The following EFNA2 variants were observed in gnomAD, a reference collection of about 807,000 sequenced individuals.
The protein encoded by EFNA2 is ephrin A2.
A neutral mutation model predicts 19.7 loss-of-function variants in EFNA2; 18 were observed. The ratio of observed to expected loss-of-function variants is 0.91; its 90% CI spans 0.63 to 1.35. The LOEUF is 1.35. Among genes scored for constraint, EFNA2 ranks in the 40% most tolerant of loss-of-function variants. EFNA2 has a pLI of 0.00. For synonymous variants in EFNA2, 187 were observed against 137.8 expected (o/e 1.36, Z -2.50); for missense variants, 303 against 296.0 (o/e 1.02, Z -0.17).
At chr19:1,292,648 A>C (rs1245727215) in intron 1 of EFNA2, among the ~76,000 whole-genome samples, 1 of 152,010 alleles carries the variant, frequency 6.6e-6, no homozygotes, top group Non-Finnish European at 1.5e-5. Context: ...AGTCTTGGAG[A>C]GAGGAGGATG....
At position 1,294,931 on chromosome 19, in the gene EFNA2, G is replaced by A. The variant is rs1600059106; in HGVS notation, c.141-614G>A. The stretch of plus-strand genomic sequence containing the variant: ...ATGTTAGGTAGATGCGAAGTTTCTG[G>A]AGAGGGAATTCTTGTGGAGGGACAG... On this transcript the variant is annotated intron_variant, in intron 1 of 3. Transcript: ENST00000215368. This position sits in a 1 kb window ranked among gnomAD's most constrained non-coding sequence, Gnocchi z 5.8. 6.6e-6 allele frequency among the ~76,000 whole-genome samples: 1 copy of A among 152,244 alleles called. No homozygotes were observed. Among genetic ancestry groups the A allele is most frequent in the East Asian group, 1.9e-4 (1 of 5,176 alleles).
Position 1,295,466 on chromosome 19 carries a change from C to A in EFNA2, c.141-79C>A. 1 of 1,396,330 alleles carries A rather than the reference C, an allele frequency of 7.2e-7. No homozygotes were observed. The allele number at this position is 1,396,330 out of a possible 1,614,324, so 86.5% of individuals were successfully genotyped here. On this transcript the variant is annotated intron_variant, in intron 1 of 3. Coordinates refer to ENST00000215368, the MANE Select transcript of EFNA2 (RefSeq NM_001405.4). This position sits in a 1 kb window ranked among gnomAD's most constrained non-coding sequence, Gnocchi z 5.8. The stretch of plus-strand genomic sequence containing the variant: ...GTCCCTCGTGCTCCTGTCCCCTGAC[C>A]CTGGCCCTCCCCGCGCACCCCGACC...
At position 1,298,586 on chromosome 19, in the gene EFNA2, C is replaced by T. The variant is rs770601167; in HGVS notation, c.490C>T (p.Leu164=). ...TPPNAVDRPC[L]RLKVYVRPTN... Reference sequence around the variant, plus strand: ...TCCCAATGCTGTGGACCGGCCCTGCCTGCGACTGAAGGTGTACGTGCGGCC... The same window carrying T: ...TCCCAATGCTGTGGACCGGCCCTGCTTGCGACTGAAGGTGTACGTGCGGCC... Residue 164 remains leucine, a synonymous_variant, in exon 3 of 4, where the codon CTG becomes TTG. Transcript: ENST00000215368. 5 of 1,614,050 alleles carry T rather than the reference C, an allele frequency of 3.1e-6. No individual in the cohort carries two copies. The highest frequency in any genetic ancestry group is 2.2e-5 in the East Asian group (1 of 44,870).
In EFNA2 at chr19:1,297,755, G is replaced by A. The variant is rs1266251350; in HGVS notation, c.455-796G>A. Reference sequence around the variant, plus strand: ...CAGGGGCGGTGATGCTGGAATTTTGGGCGTAAGAACCAGTTGGAAATAATC... The same window carrying A: ...CAGGGGCGGTGATGCTGGAATTTTGAGCGTAAGAACCAGTTGGAAATAATC... On this transcript the variant is annotated intron_variant, in intron 2 of 3. Transcript: ENST00000215368. The surrounding 1 kb of genome is among the most constrained non-coding windows in gnomAD (Gnocchi z 5.0). Among the ~76,000 whole-genome samples the A allele has an allele frequency of 6.6e-6, 1 of 152,116 alleles. No individual in the cohort carries two copies. Among genetic ancestry groups the A allele is most frequent in the Non-Finnish European group, 1.5e-5 (1 of 68,024 alleles).
At chr19:1,285,071 G>A (rs747732689), upstream of EFNA2, among the ~76,000 whole-genome samples, 16 of 152,226 alleles carry the variant, frequency 1.1e-4, no homozygotes, top group Non-Finnish European at 2.1e-4. The surrounding 1 kb of genome is among the most constrained non-coding windows in gnomAD (Gnocchi z 4.1). Flanking sequence ...AACATGGCCA[G>A]ACACTGTCTC....
intron 1 of EFNA2, among the ~76,000 whole-genome samples, chr19:1,289,817 C>T (rs575142333): frequency 4.6e-5 from 7 of 152,250 alleles, no homozygotes; most frequent in African/African-American, 1.7e-4. Context: ...CGGGGTGTCT[C>T]GCTCCCCGTG....
At chr19:1,285,229 C>T (rs74922201), upstream of EFNA2, among the ~76,000 whole-genome samples, 8 of 152,350 alleles carry the variant, frequency 5.3e-5, no homozygotes, top group African/African-American at 1.9e-4. This position sits in a 1 kb window ranked among gnomAD's most constrained non-coding sequence, Gnocchi z 4.1. Context: ...GCGGCCCTCC[C>T]CTGCCTGCAG....
Position 1,295,057 on chromosome 19 carries a change from G to A in EFNA2, c.141-488G>A, listed in dbSNP as rs1457651175. ...CACCCACCTCGCTGCTGGCCCTGCC[G>A]TGGGGCTGTTGGGGACACTGAGGCA... On this transcript the variant is annotated intron_variant, in intron 1 of 3. Coordinates refer to ENST00000215368, the MANE Select transcript of EFNA2 (RefSeq NM_001405.4). The surrounding 1 kb of genome is among the most constrained non-coding windows in gnomAD (Gnocchi z 5.8). Among the ~76,000 whole-genome samples the A allele has an allele frequency of 1.3e-5, 2 of 152,056 alleles. No individual in the cohort carries two copies. Among genetic ancestry groups the A allele is most frequent in the African/African-American group, 2.4e-5 (1 of 41,396 alleles).
chr19:1,284,539 G>A (rs2081454551), upstream of EFNA2, among the ~76,000 whole-genome samples: 2 of 152,212 alleles, frequency 1.3e-5, no homozygotes, highest in South Asian at 4.1e-4. This position sits in a 1 kb window ranked among gnomAD's most constrained non-coding sequence, Gnocchi z 5.3. Flanking sequence ...TTCCCAGCAG[G>A]ACCCAGCCTG....
intron 1 of EFNA2, among the ~76,000 whole-genome samples, chr19:1,292,048 GTC>G (rs1356356231): frequency 2.0e-5 from 3 of 152,242 alleles, no homozygotes; most frequent in Non-Finnish European, 2.9e-5. Flanking sequence ...GAGAATTTCA[GTC>G]TCTCTGCCGC....
rs889260170 is a variant in EFNA2 at position 1,300,928 on chromosome 19, G to A, written c.*983G>A. On this transcript the variant is annotated 3_prime_UTR_variant, in exon 4 of 4. Coordinates refer to ENST00000215368, the MANE Select transcript of EFNA2 (RefSeq NM_001405.4). ...CGTATTCCTGAGGACGGACTGGACCGTCTATGTTTTTTCAGCCCTTCATAG... is the reference window on the plus strand; with the variant it reads ...CGTATTCCTGAGGACGGACTGGACCATCTATGTTTTTTCAGCCCTTCATAG... Among the ~76,000 whole-genome samples, 1 of 151,544 alleles carries A rather than the reference G, an allele frequency of 6.6e-6. No individual in the cohort carries two copies. The highest frequency in any genetic ancestry group is 1.5e-5 in the Non-Finnish European group (1 of 67,928).
Position 1,288,693 on chromosome 19 carries a change from C to T in EFNA2, c.140+2385C>T, listed in dbSNP as rs138448500. 5.4e-3 allele frequency among the ~76,000 whole-genome samples: 826 copies of T among 152,254 alleles called. 10 individuals carry two copies. The highest frequency in any genetic ancestry group is 0.019 in the African/African-American group (781 of 41,544). Reference sequence around the variant, plus strand: ...GCGATGACTGTGTGGTCTGTCTCCACATCACACCCTCTCTGCTGTGAGAGG... The same window carrying T: ...GCGATGACTGTGTGGTCTGTCTCCATATCACACCCTCTCTGCTGTGAGAGG... On this transcript the variant is annotated intron_variant, in intron 1 of 3. Coordinates refer to ENST00000215368, the MANE Select transcript of EFNA2 (RefSeq NM_001405.4).
intron 1 of EFNA2, among the ~76,000 whole-genome samples, chr19:1,290,089 C>G (rs1181530565): frequency 6.6e-6 from 1 of 151,896 alleles, no homozygotes; most frequent in Non-Finnish European, 1.5e-5. Context: ...GCCTGGAACC[C>G]CCAGGCCTGC....
rs1436020548 is a variant in EFNA2 at position 1,294,067 on chromosome 19, C to T, written c.141-1478C>T. Among the ~76,000 whole-genome samples, 6 of 152,260 alleles carry T rather than the reference C, an allele frequency of 3.9e-5. No individual in the cohort carries two copies. The highest frequency in any genetic ancestry group is 1.2e-4 in the African/African-American group (5 of 41,472). On this transcript the variant is annotated intron_variant, in intron 1 of 3. Transcript: ENST00000215368. This position sits in a 1 kb window ranked among gnomAD's most constrained non-coding sequence, Gnocchi z 5.8. ...CTAGAGGCAGTGCCAGGGCCGGGAT[C>T]GTAGCAGCCTGCACCCATGTGCTGC...
In EFNA2 at chr19:1,296,240, G is replaced by A. The variant is rs1489306139; in HGVS notation, c.454+382G>A. On this transcript the variant is annotated intron_variant, in intron 2 of 3. Transcript: ENST00000215368. This position sits in a 1 kb window ranked among gnomAD's most constrained non-coding sequence, Gnocchi z 4.4. ...CTGAGGCTGCACTATTGTGATCTCG[G>A]GCCTCCAGCTCAGACCACTTGGTGG... is the stretch of plus-strand genomic sequence containing the variant. Among the ~76,000 whole-genome samples the A allele has an allele frequency of 1.3e-5, 2 of 152,194 alleles. No individual in the cohort carries two copies. The highest frequency in any genetic ancestry group is 6.5e-5 in the Admixed American group (1 of 15,288).
intron 1 of EFNA2, among the ~76,000 whole-genome samples, chr19:1,293,657 G>C (rs1360677567): frequency 6.6e-6 from 1 of 152,232 alleles, no homozygotes; most frequent in African/African-American, 2.4e-5. Flanking sequence ...TGTCCCCTGT[G>C]CTGGGCTCAC....
At chr19:1,288,091 A>C (rs749628862) in intron 1 of EFNA2, among the ~76,000 whole-genome samples, 8 of 152,218 alleles carry the variant, frequency 5.3e-5, no homozygotes, top group Non-Finnish European at 1.0e-4. Flanking sequence ...CGCAGAGCCG[A>C]CCTGGGCAGC....
rs950964664 is a variant in EFNA2, at chr19:1,286,175, C to T, written c.7C>T (p.Pro3Ser). 1.7e-4 allele frequency: 168 copies of T among 1,006,810 alleles called. No homozygotes were observed. Among genetic ancestry groups the T allele is most frequent in the Non-Finnish European group, 1.9e-4 (156 of 842,648 alleles). 62.4% of individuals were successfully genotyped at this position (1,006,810 alleles called of 1,614,324 possible). Reference sequence around the variant, plus strand: ...CGGCGGCCGGACCGGGGCCATGGCGCCCGCGCAGCGCCCGCTGCTCCCGCT... The same window carrying T: ...CGGCGGCCGGACCGGGGCCATGGCGTCCGCGCAGCGCCCGCTGCTCCCGCT... Reference protein sequence around the residue: MAPAQRPLLPLLL... With the variant: MASAQRPLLPLLL... Residue 3 changes from proline (P) to serine (S), a missense_variant, in exon 1 of 4, where the codon CCC becomes TCC. Pro to Ser is a moderately conservative substitution (Grantham distance 74, BLOSUM62 -1). Transcript: ENST00000215368. This position sits in a 1 kb window ranked among gnomAD's most constrained non-coding sequence, Gnocchi z 5.6.
At position 1,292,323 on chromosome 19, in the gene EFNA2, C is replaced by T. The variant is rs376811985; in HGVS notation, c.141-3222C>T. Among the ~76,000 whole-genome samples the T allele has an allele frequency of 1.8e-4, 28 of 152,350 alleles. 2 individuals carry two copies. The South Asian group carries it at 5.4e-3, about 29-fold the overall frequency. On this transcript the variant is annotated intron_variant, in intron 1 of 3. Coordinates refer to ENST00000215368, the MANE Select transcript of EFNA2 (RefSeq NM_001405.4). The stretch of plus-strand genomic sequence containing the variant: ...AGGCAGAGCCGGGGGTGGGGGTTCC[C>T]CTGGGACCTGCCCTCCAACACACAC...
Sources: allele counts gnomAD v4.1 joint callset (sites outside exome capture counted in the v4.1 genomes callset), GRCh38; gene constraint gnomAD v4.1.1; non-coding constraint Gnocchi (gnomAD v3.1); transcripts MANE v1.5; gene names NCBI Gene and HGNC (gene_info 2026-07-23, HGNC 2026-07-21).